CREBBP: variants seen among roughly 807,000 people sequenced by gnomAD.
CREBBP encodes the protein CREB-binding protein.
CREBBP carries 19 observed loss-of-function variants against 265.0 expected under a neutral mutation model. That is an observed-to-expected ratio of 0.07 (90% CI 0.05 to 0.11). The LOEUF is 0.11. Among genes scored for constraint, CREBBP ranks in the 10% least tolerant of loss-of-function variants. The pLI, the probability that CREBBP is intolerant of heterozygous loss-of-function variation, is 1.00. For missense variants in CREBBP, 2,525 were observed against 3,219.0 expected, an observed-to-expected ratio of 0.78 and a Z score of 5.22; for synonymous variants, 1,457 against 1,223.7, an observed-to-expected ratio of 1.19 and a Z score of -3.98.
In CREBBP at chr16:3,749,039, C is replaced by T. The variant is rs535341656; in HGVS notation, c.3836+588G>A. On this transcript the variant is annotated intron_variant, in intron 21 of 30. Coordinates refer to ENST00000262367, the MANE Select transcript of CREBBP (RefSeq NM_004380.3). ...GTGGGCGCCTGTAGTCCCAGCTACT[C>T]GGGAGGCTGAGGCAGGAGAATGGCG... Among the ~76,000 whole-genome samples, 355 of 152,102 alleles carry T rather than the reference C, an allele frequency of 2.3e-3. 1 individual carries two copies. Among genetic ancestry groups the T allele is most frequent in the African/African-American group, 7.9e-3 (326 of 41,504 alleles).
chr16:3,835,632 T>G (rs1379746225), intron 2 of CREBBP, among the ~76,000 whole-genome samples: 1 of 144,162 alleles, frequency 6.9e-6, no homozygotes, highest in Non-Finnish European at 1.5e-5. Flanking sequence ...TAGGCTGGAG[T>G]GCAGTAGTGG....
At position 3,731,423 on chromosome 16, in the gene CREBBP, G is replaced by C. The variant is rs766570245; in HGVS notation, c.4941C>G (p.Pro1647=). Residue 1647 remains proline, a synonymous_variant, in exon 30 of 31, where the codon CCC becomes CCG. Coordinates refer to ENST00000262367, the MANE Select transcript of CREBBP (RefSeq NM_004380.3). This position sits in a 1 kb window ranked among gnomAD's most constrained non-coding sequence, Gnocchi z 7.7. ...LHAGPVINTL[P]PIVDPDPLLS... The stretch of plus-strand genomic sequence containing the variant: ...GCAGGGGGTCGGGGTCGACGATGGG[G>C]GGCAGGGTGTTGATGACAGGCCCAG... 1 of 1,603,980 alleles carries C rather than the reference G, an allele frequency of 6.2e-7. No individual in the cohort carries two copies. The highest frequency in any genetic ancestry group is 2.2e-5 in the East Asian group (1 of 44,494).
intron 3 of CREBBP, among the ~76,000 whole-genome samples, chr16:3,807,969 G>A (rs2053862835): frequency 2.6e-5 from 4 of 152,128 alleles, no homozygotes; most frequent in Admixed American, 2.0e-4. Context: ...AGGCATTTGT[G>A]GATCTGTCTC....
Position 3,782,692 on chromosome 16 carries a change from T to A in CREBBP, c.1565A>T (p.Asn522Ile), listed in dbSNP as rs61754521. The change falls in exon 6 of 31, where the codon AAC becomes ATC. Residue 522 changes from asparagine to isoleucine, a missense_variant. By Grantham distance (149) the Asn-to-Ile change is moderately radical. Coordinates refer to ENST00000262367, the MANE Select transcript of CREBBP (RefSeq NM_004380.3). Reference protein sequence around the residue: ...PQTHQQMRTLNPLGNNPMNIP... With the variant: ...PQTHQQMRTLIPLGNNPMNIP... ...AGAGTTCCTTCACCTACCCAGGGGGTTGAGAGTCCTCATCTGCTGGTGGGT... is the reference window on the plus strand; with the variant it reads ...AGAGTTCCTTCACCTACCCAGGGGGATGAGAGTCCTCATCTGCTGGTGGGT... The A allele has an allele frequency of 6.2e-6, 10 of 1,613,808 alleles. No individual in the cohort carries two copies. The highest frequency in any genetic ancestry group is 8.5e-6 in the Non-Finnish European group (10 of 1,179,908).
At chr16:3,841,107 T>C (rs1048201041) in intron 2 of CREBBP, 2 of 154,156 alleles carry the variant, frequency 1.3e-5, no homozygotes, top group African/African-American at 4.8e-5. Context: ...ATCAAAAATT[T>C]TGATAATGAG....
chr16:3,854,926 T>G (rs1472549067), intron 1 of CREBBP, among the ~76,000 whole-genome samples: 1 of 152,118 alleles, frequency 6.6e-6, no homozygotes, highest in Non-Finnish European at 1.5e-5. Flanking sequence ...AGACTGAGAG[T>G]AAGTTGCAGA....
At chr16:3,820,574 CATTTGGATA>C (rs1304933389) in intron 2 of CREBBP, among the ~76,000 whole-genome samples, 3 of 152,222 alleles carry the variant, frequency 2.0e-5, no homozygotes, top group African/African-American at 7.2e-5. Flanking sequence ...CACTGTATTT[CATTTGGATA>C]ATGTCTTTCA....
chr16:3,820,813 T>C lies in CREBBP; in HGVS notation c.799-10034A>G, dbSNP rs541771172. On this transcript the variant is annotated intron_variant, in intron 2 of 30. Transcript: ENST00000262367. ...AGGTTGAGGATGTAGTGATCCATAA[T>C]TGAGCCACTGTGTACACACACACAC... Among the ~76,000 whole-genome samples the C allele has an allele frequency of 8.0e-4, 122 of 152,270 alleles. 1 individual carries two copies. Among genetic ancestry groups the C allele is most frequent in the African/African-American group, 2.7e-3 (114 of 41,550 alleles).
At chr16:3,730,151 C>G (rs751619095) in intron 30 of CREBBP, among the ~76,000 whole-genome samples, 1 of 152,220 alleles carries the variant, frequency 6.6e-6, no homozygotes, top group South Asian at 2.1e-4. Context: ...CAAGGACCTT[C>G]ACTCCTGGCA....
Position 3,850,329 on chromosome 16 carries a change from G to A in CREBBP, c.766C>T (p.Leu256=), listed in dbSNP as rs755189683. 5 of 1,614,124 alleles carry A rather than the reference G, an allele frequency of 3.1e-6. No homozygotes were observed. Among genetic ancestry groups the A allele is most frequent in the Admixed American group, 1.7e-5 (1 of 60,010 alleles). The part of the protein sequence containing the change: ...VSPQMTGHAG[L]NTAQAGGMAK... ...ATGCCTCCTGCCTGTGCGGTGTTCAGTCCCGCGTGACCAGTCATTTGCGGG... is the reference window on the plus strand; with the variant it reads ...ATGCCTCCTGCCTGTGCGGTGTTCAATCCCGCGTGACCAGTCATTTGCGGG... The change falls in exon 2 of 31, where the codon CTG becomes TTG. Residue 256 remains leucine (L), a synonymous_variant. Coordinates refer to ENST00000262367, the MANE Select transcript of CREBBP (RefSeq NM_004380.3).
At chr16:3,751,560 C>A (rs1489030715) in intron 20 of CREBBP, among the ~76,000 whole-genome samples, 166 bp downstream of exon 20, 1 of 152,190 alleles carries the variant, frequency 6.6e-6, no homozygotes, top group Non-Finnish European at 1.5e-5. Context: ...CCACTGCACA[C>A]CACCCAGGTG....
In CREBBP at chr16:3,750,120, G is replaced by A. The variant is rs1208356049; in HGVS notation, c.3780-437C>T. The stretch of plus-strand genomic sequence containing the variant: ...CCAAGGCTGAACTCAAACTCACCCC[G>A]GTTCTGAGTAGCTGGGACTACAGGT... On this transcript the variant is annotated intron_variant, in intron 20 of 30. Coordinates refer to ENST00000262367, the MANE Select transcript of CREBBP (RefSeq NM_004380.3). Among the ~76,000 whole-genome samples the A allele has an allele frequency of 3.3e-5, 5 of 152,026 alleles. No individual in the cohort carries two copies. The Middle Eastern group carries it at 0.01, about 310-fold the overall frequency.
chr16:3,870,570 G>A (rs531642061), intron 1 of CREBBP, among the ~76,000 whole-genome samples: 8 of 152,158 alleles, frequency 5.3e-5, no homozygotes, highest in East Asian at 3.9e-4. Context: ...TGAGTCAAAC[G>A]ATTACCCATT....
At chr16:3,745,029 G>A in intron 22 of CREBBP, 68 bp from the exon 23 acceptor site, 1 of 1,181,278 alleles carries the variant, frequency 8.5e-7, no homozygotes, top group Non-Finnish European at 1.3e-6. Context: ...ACAAAATGCA[G>A]CATTCAGATA....
In CREBBP at chr16:3,810,779, T is replaced by A; in HGVS notation, c.799A>T (p.Met267Leu). 1.2e-6 allele frequency: 2 copies of A among 1,613,614 alleles called. No individual in the cohort carries two copies. Among genetic ancestry groups the A allele is most frequent in the Non-Finnish European group, 1.7e-6 (2 of 1,179,968 alleles). ...NTAQAGGMAK[M>L]GITGNTSPFG... ...GGACTTGTGTTCCCAGTTATTCCCA[T>A]CTGAAACAAAAAAGAGGTAACATCA... Residue 267 changes from methionine (M) to leucine (L), a missense_variant and splice_region_variant, in exon 3 of 31, where the codon ATG becomes TTG. By Grantham distance (15) the Met-to-Leu change is conservative. This residue lies in a region of CREBBP where 356 missense variants were observed against 340.4 expected (regional missense o/e 1.05). Coordinates refer to ENST00000262367, the MANE Select transcript of CREBBP (RefSeq NM_004380.3).
At chr16:3,814,523 T>C (rs2054001981) in intron 2 of CREBBP, among the ~76,000 whole-genome samples, 1 of 152,104 alleles carries the variant, frequency 6.6e-6, no homozygotes, top group South Asian at 2.1e-4. Flanking sequence ...TCCCCAGGTG[T>C]TGGGATTACA....
intron 1 of CREBBP, among the ~76,000 whole-genome samples, chr16:3,859,583 G>C (rs1597070060): frequency 6.6e-6 from 1 of 152,216 alleles, no homozygotes; most frequent in East Asian, 1.9e-4. Context: ...GGAAGACCAA[G>C]GCATGACTGA....
chr16:3,761,681 C>T (rs982502719), intron 16 of CREBBP: 15 of 477,002 alleles, frequency 3.1e-5, no homozygotes, highest in African/African-American at 2.6e-4. Flanking sequence ...CGACGCAGCA[C>T]TCCCCACGCA....
chr16:3,829,084 A>C lies in CREBBP; in HGVS notation c.799-18305T>G, dbSNP rs74991550. Among the ~76,000 whole-genome samples the C allele has an allele frequency of 3.3e-5, 5 of 152,348 alleles. No individual in the cohort carries two copies. The East Asian group carries it at 9.6e-4, about 29-fold the overall frequency. On this transcript the variant is annotated intron_variant, in intron 2 of 30. Coordinates refer to ENST00000262367, the MANE Select transcript of CREBBP (RefSeq NM_004380.3). ...AAAAAAAAAAATTACATGGTAATCA[A>C]CATAAAAACCCTTAGATATTTTAAC...
Sources: allele counts gnomAD v4.1 joint callset (sites outside exome capture counted in the v4.1 genomes callset), GRCh38; gene constraint gnomAD v4.1.1; regional missense constraint gnomAD v4.1.1; non-coding constraint Gnocchi (gnomAD v3.1); transcripts MANE v1.5; gene names NCBI Gene and HGNC (gene_info 2026-07-23, HGNC 2026-07-21).